The following LTBP2 variants were observed in gnomAD, a reference collection of about 807,000 sequenced individuals.
The protein encoded by LTBP2 is latent transforming growth factor beta binding protein 2.
A neutral mutation model predicts 210.6 loss-of-function variants in LTBP2; 103 were observed. The ratio of observed to expected loss-of-function variants is 0.49; its 90% CI spans 0.42 to 0.58. The LOEUF (loss-of-function observed/expected upper bound fraction) is 0.58. Among genes scored for constraint, LTBP2 ranks in the 20% least tolerant of loss-of-function variants. The pLI, the probability that LTBP2 is intolerant of heterozygous loss-of-function variation, is 0.00. For missense variants in LTBP2, 2,313 were observed against 2,494.5 expected (o/e 0.93, Z 1.55); for synonymous variants, 1,007 against 1,015.0 (o/e 0.99, Z 0.15).
Position 74,501,512 on chromosome 14 carries a change from C to G in LTBP2, c.5249G>C (p.Arg1750Pro). 1 of 1,614,176 alleles carries G rather than the reference C, an allele frequency of 6.2e-7. No individual in the cohort carries two copies. Among genetic ancestry groups the G allele is most frequent in the South Asian group, 1.1e-5 (1 of 91,086 alleles). ...LNGCENGRCV[R>P]VREGYTCDCF... ...GTCACAGGTGTAGCCCTCCCGCACG[C>G]GCACACAGCGGCCATTCTCACAGCC... Residue 1750 changes from arginine (R) to proline (P), a missense_variant, in exon 35 of 36, where the codon CGC becomes CCC. By Grantham distance (103) the Arg-to-Pro change is moderately radical (BLOSUM62 -2). This residue lies in a region of LTBP2 where 443 missense variants were observed against 501.4 expected (regional missense o/e 0.88). Transcript: ENST00000261978.
chr14:74,581,311 A>G (rs2088133423), intron 3 of LTBP2, among the ~76,000 whole-genome samples: 2 of 152,188 alleles, frequency 1.3e-5, no homozygotes, highest in South Asian at 4.1e-4. Flanking sequence ...AAAGGAAATT[A>G]GGGTTACCGA....
At chr14:74,529,779 A>C (rs763990990) in intron 10 of LTBP2, among the ~76,000 whole-genome samples, 1 of 152,184 alleles carries the variant, frequency 6.6e-6, no homozygotes, top group Non-Finnish European at 1.5e-5. Context: ...CCTTTCTTGT[A>C]CTTTGAAAAT....
chr14:74,509,604 T>C, intron 21 of LTBP2, 130 bp downstream of exon 21: 1 of 1,381,748 alleles, frequency 7.2e-7, no homozygotes, highest in Non-Finnish European at 1.0e-6. Context: ...GCCAGGTCCA[T>C]TTATGGGGTC....
rs377447214 is a variant in LTBP2 at position 74,564,668 on chromosome 14, C to T, written c.831-8975G>A. Among the ~76,000 whole-genome samples, 510 of 151,850 alleles carry T rather than the reference C, an allele frequency of 3.4e-3. 14 individuals carry two copies. In the South Asian group the frequency reaches 0.077, roughly 23 times the overall value. ...AAAGTGCTGGGATTACAGGTGTGAG[C>T]CACCAGGCCCAGCCAACTGGTGCTA... On this transcript the variant is annotated intron_variant, in intron 3 of 35. Transcript: ENST00000261978.
chr14:74,518,011 C>T (rs2087156258), intron 17 of LTBP2, among the ~76,000 whole-genome samples: 1 of 152,224 alleles, frequency 6.6e-6, no homozygotes, highest in Non-Finnish European at 1.5e-5. Context: ...TTTGTTCACA[C>T]AAATGCTTCC....
chr14:74,544,885 G>A (rs2087558265), intron 8 of LTBP2, among the ~76,000 whole-genome samples: 1 of 152,114 alleles, frequency 6.6e-6, no homozygotes, highest in Non-Finnish European at 1.5e-5. Context: ...TTCAAGTCGA[G>A]CTCTGGTTAC....
intron 1 of LTBP2, among the ~76,000 whole-genome samples, chr14:74,610,223 G>T (rs910687992): frequency 5.3e-5 from 8 of 152,220 alleles, no homozygotes; most frequent in Non-Finnish European, 1.2e-4. Context: ...GAACATATCA[G>T]ATAGAATAAG....
chr14:74,516,019 C>T (rs2139703156), intron 18 of LTBP2, among the ~76,000 whole-genome samples: 1 of 151,970 alleles, frequency 6.6e-6, no homozygotes, highest in East Asian at 1.9e-4. Context: ...TCTTCTCTGA[C>T]TTCCAGGCCC....
chr14:74,595,277 G>A (rs867574202), intron 2 of LTBP2, among the ~76,000 whole-genome samples: 9 of 152,192 alleles, frequency 5.9e-5, no homozygotes, highest in African/African-American at 2.2e-4. Context: ...GGGGAGCCGC[G>A]GGGCCAGGGG....
At chr14:74,594,097 CTCAAACACGTCTCCAGGGA>C (rs950111710) in intron 2 of LTBP2, among the ~76,000 whole-genome samples, 1 of 152,136 alleles carries the variant, frequency 6.6e-6, no homozygotes, top group African/African-American at 2.4e-5. Flanking sequence ...AGAGCTGGGA[CTCAAACACGTCTCCAGGGA>C]TCAAGCCCTG....
At chr14:74,554,914 G>C (rs1405404181) in intron 4 of LTBP2, among the ~76,000 whole-genome samples, 2 of 151,950 alleles carry the variant, frequency 1.3e-5, no homozygotes, top group Non-Finnish European at 2.9e-5. Context: ...GGAAGTTGAG[G>C]AGCTCTCTGG....
chr14:74,564,339 ATATATT>A, intron 3 of LTBP2, among the ~76,000 whole-genome samples: 1 of 9,202 alleles, frequency 1.1e-4, no homozygotes, highest in Non-Finnish European at 2.2e-4. Flanking sequence ...ATTTATATAT[ATATATT>A]TATATATATT....
intron 3 of LTBP2, among the ~76,000 whole-genome samples, chr14:74,577,223 G>T (rs1227934815): frequency 6.6e-6 from 1 of 152,174 alleles, no homozygotes; most frequent in Middle Eastern, 3.2e-3. Context: ...AGAGAGAAGG[G>T]CTCAACCCTC....
rs1217123441 is a variant in LTBP2 at position 74,603,620 on chromosome 14, G to A, written c.565+15C>T. 1 of 1,613,898 alleles carries A rather than the reference G, an allele frequency of 6.2e-7. No homozygotes were observed. Among genetic ancestry groups the A allele is most frequent in the African/African-American group, 1.3e-5 (1 of 74,934 alleles). On this transcript the variant is annotated intron_variant, in intron 2 of 35. Transcript: ENST00000261978. ...TTGATAGAGCGGAGTGTCTGCTACT[G>A]GTGGAGGCACTCACGTTTGATACAG...
At chr14:74,526,221 T>C in intron 13 of LTBP2, 107 bp from the exon 14 acceptor site, 3 of 1,069,582 alleles carry the variant, frequency 2.8e-6, no homozygotes, top group Non-Finnish European at 2.8e-6. Context: ...CAGGAGCTCA[T>C]TCATGTTTTC....
chr14:74,539,094 T>G (rs1193827496), intron 8 of LTBP2, among the ~76,000 whole-genome samples: 2 of 152,250 alleles, frequency 1.3e-5, no homozygotes, highest in Non-Finnish European at 2.9e-5. Context: ...AGAGACCAAG[T>G]GCACATTTGT....
intron 3 of LTBP2, among the ~76,000 whole-genome samples, chr14:74,569,764 G>T (rs2087951280): frequency 6.6e-6 from 1 of 152,056 alleles, no homozygotes; most frequent in African/African-American, 2.4e-5. Flanking sequence ...ACCTTATAAA[G>T]GTCCCCTAAC....
intron 2 of LTBP2, among the ~76,000 whole-genome samples, chr14:74,598,051 C>A (rs573922995): frequency 6.6e-6 from 1 of 152,350 alleles, no homozygotes; most frequent in Non-Finnish European, 1.5e-5. Flanking sequence ...TCATCCTCAT[C>A]TGACATATGG....
In LTBP2 at chr14:74,553,126, C is replaced by G. The variant is rs1000373027; in HGVS notation, c.1022-64G>C. The G allele has an allele frequency of 5.9e-6, 9 of 1,537,394 alleles. No individual in the cohort carries two copies. The African/African-American group carries it at 1.2e-4, about 21-fold the overall frequency. On this transcript the variant is annotated intron_variant, in intron 4 of 35. Transcript: ENST00000261978. ...GAGGCACAGCTGTGACCTCCAGAGT[C>G]TGGTTAGAAAGCCCCATGGGACTAG...
Sources: gnomAD v4.1 joint callset for allele counts (sites outside exome capture counted in the v4.1 genomes callset) on GRCh38, gnomAD v4.1.1 for gene constraint, gnomAD v4.1.1 regional missense constraint, MANE v1.5 for transcripts, NCBI Gene and HGNC (gene_info 2026-07-23, HGNC 2026-07-21) for gene names.